Variants in GGA2 observed in about 807,000 individuals in gnomAD.
GGA2 encodes the protein golgi associated, gamma adaptin ear containing, ARF binding protein 2.
A neutral mutation model predicts 79.5 loss-of-function variants in GGA2; 48 were observed. The observed-to-expected ratio is 0.60, with a 90% CI of 0.48 to 0.77. GGA2 has a LOEUF of 0.77. Among genes scored for constraint, GGA2 ranks in the 30% least tolerant of loss-of-function variants. GGA2 has a pLI of 0.00. For synonymous variants in GGA2, 317 were observed against 302.0 expected (o/e 1.05, Z -0.51); for missense variants, 770 against 774.0 (o/e 0.99, Z 0.06).
chr16:23,484,531 T>C (rs1434616327), intron 8 of GGA2, among the ~76,000 whole-genome samples: 1 of 151,940 alleles, frequency 6.6e-6, no homozygotes, highest in Non-Finnish European at 1.5e-5. Context: ...CCAGAATATA[T>C]AAAAAACGCT....
At chr16:23,497,110 CAAA>C (rs10716091) in intron 1 of GGA2, among the ~76,000 whole-genome samples, 2 of 144,866 alleles carry the variant, frequency 1.4e-5, no homozygotes, top group African/African-American at 2.6e-5. Context: ...GCCTCAAAAA[CAAA>C]AAAAAAAAAC....
intron 1 of GGA2, among the ~76,000 whole-genome samples, chr16:23,498,501 G>C (rs1375624062): frequency 2.6e-5 from 4 of 152,166 alleles, no homozygotes; most frequent in African/African-American, 9.7e-5. Flanking sequence ...GCCAAGGTAG[G>C]AGGATCGCCT....
Position 23,519,614 on chromosome 16 carries a change from AC to A in GGA2, c.33del (p.Gln11HisfsTer33). 1 of 427,486 alleles carries A rather than the reference AC, an allele frequency of 2.3e-6. No homozygotes were observed. Among genetic ancestry groups the A allele is most frequent in the Non-Finnish European group, 4.7e-6 (1 of 212,596 alleles). 26.5% of individuals were successfully genotyped at this position (427,486 alleles called of 1,614,324 possible). A position where few individuals can be genotyped will look rare whatever the true frequency, so the allele number is the denominator to read the frequency against. On this transcript the variant is annotated frameshift_variant, in exon 2 of 6. Coordinates refer to the GGA2 transcript ENST00000569300. LOFTEE classifies it high-confidence loss of function. ...TCAGGGCTAGGGCAGCTGTTGGCCA[AC>A]TGCAGAGATAAAGAGAAAGGCAGCC...
Position 23,508,642 on chromosome 16 carries a change from T to C in GGA2, c.91+1679A>G, listed in dbSNP as rs1047173389. 3.9e-5 allele frequency among the ~76,000 whole-genome samples: 6 copies of C among 152,286 alleles called. No homozygotes were observed. The East Asian group carries it at 1.2e-3, about 29-fold the overall frequency. On this transcript the variant is annotated intron_variant, in intron 1 of 16. Transcript: ENST00000309859. ...CTTCTCTTCCCATCTGCCTCTTCAA[T>C]GCTGGGGCTCCCCACGCTCTCTTTC...
chr16:23,491,548 ACT>A, intron 5 of GGA2, 127 bp downstream of exon 5: 2 of 522,618 alleles, frequency 3.8e-6, no homozygotes, highest in South Asian at 3.4e-5. Flanking sequence ...AAAAAAAAAA[ACT>A]CTACCTCAGT....
chr16:23,464,174 TTTA>T lies in GGA2; in HGVS notation c.*3413_*3415del, dbSNP rs1245233702. ...ATATTCACTTTTCTTTTGGTTGTCA[TTTA>T]TTGTTTTCAACACTATCTTCATGAC... is the stretch of plus-strand genomic sequence containing the variant. On this transcript the variant is annotated 3_prime_UTR_variant, in exon 17 of 17. Coordinates refer to ENST00000309859, the MANE Select transcript of GGA2 (RefSeq NM_015044.4). The T allele has an allele frequency of 6.6e-6, 1 of 152,226 alleles. No homozygotes were observed. The highest frequency in any genetic ancestry group is 6.5e-5 in the Admixed American group (1 of 15,270). The allele number at this position is 152,226 out of a possible 1,614,324, so 9.4% of individuals were successfully genotyped here.
At chr16:23,473,595 T>C (rs1277904951) in intron 14 of GGA2, among the ~76,000 whole-genome samples, 1 of 152,154 alleles carries the variant, frequency 6.6e-6, no homozygotes, top group Admixed American at 6.5e-5. Flanking sequence ...CCCAAAGTGC[T>C]GGGATTACAG....
chr16:23,475,878 C>T (rs1034557025), intron 13 of GGA2, among the ~76,000 whole-genome samples: 5 of 151,168 alleles, frequency 3.3e-5, no homozygotes, highest in East Asian at 3.9e-4. Context: ...TGTGGTGAGC[C>T]GAGATCACAC....
At chr16:23,475,327 T>C (rs960642218) in intron 13 of GGA2, among the ~76,000 whole-genome samples, 3 of 151,554 alleles carry the variant, frequency 2.0e-5, no homozygotes, top group African/African-American at 7.3e-5. Flanking sequence ...GTAGCTGGGA[T>C]TACAGGCACC....
chr16:23,503,444 A>T (rs1964941345), intron 1 of GGA2, among the ~76,000 whole-genome samples: 1 of 152,194 alleles, frequency 6.6e-6, no homozygotes, highest in Admixed American at 6.5e-5. Context: ...TGTAAGATAT[A>T]GTTACTTAAA....
intron 6 of GGA2, among the ~76,000 whole-genome samples, chr16:23,487,244 T>C (rs1233205247): frequency 6.6e-6 from 1 of 152,190 alleles, no homozygotes; most frequent in East Asian, 1.9e-4. Flanking sequence ...CCTCCCAAAA[T>C]GCTGGGATTA....
intron 1 of GGA2, among the ~76,000 whole-genome samples, chr16:23,510,008 G>GTGCC (rs1484437834): frequency 1.3e-5 from 2 of 151,112 alleles, no homozygotes; most frequent in African/African-American, 4.9e-5. Context: ...TGTGAGCACA[G>GTGCC]TGCCTGGCGC....
At chr16:23,493,623 G>A (rs1214009809) in intron 3 of GGA2, 165 bp from the exon 4 acceptor site, 1 of 597,178 alleles carries the variant, frequency 1.7e-6, no homozygotes, top group South Asian at 2.0e-5. Context: ...TTCAGATCAA[G>A]AAAAAAATGT....
chr16:23,491,671 T>G lies in GGA2; in HGVS notation c.475+6A>C, dbSNP rs1463743830. 1 of 1,612,630 alleles carries G rather than the reference T, an allele frequency of 6.2e-7. No individual in the cohort carries two copies. The highest frequency in any genetic ancestry group is 1.1e-5 in the South Asian group (1 of 91,038). On this transcript the variant is annotated splice_donor_region_variant and intron_variant, in intron 5 of 16. Coordinates refer to ENST00000309859, the MANE Select transcript of GGA2 (RefSeq NM_015044.4). ...AGGAAATAAGACACAGTAAGGCAAG[T>G]CAGACCTTGTTTCTTCAGCATCTGA...
At chr16:23,522,083 G>A, upstream of GGA2, 1 of 308,858 alleles carries the variant, frequency 3.2e-6, no homozygotes, top group Non-Finnish European at 6.5e-6. Context: ...TGACACCTGG[G>A]AGAGGGTGAG....
At chr16:23,468,799 C>A in intron 16 of GGA2, 87 bp downstream of exon 16, 2 of 758,122 alleles carry the variant, frequency 2.6e-6, no homozygotes, top group Non-Finnish European at 4.8e-6. Context: ...AGCAAGGCCT[C>A]AATGTGCCTC....
At chr16:23,489,388 C>T (rs1327197145) in intron 5 of GGA2, among the ~76,000 whole-genome samples, 1 of 152,184 alleles carries the variant, frequency 6.6e-6, no homozygotes, top group African/African-American at 2.4e-5. Flanking sequence ...GTGGGCACCA[C>T]CACACCCAGG....
chr16:23,523,862 G>C (rs1965180493), upstream of GGA2: 1 of 154,500 alleles, frequency 6.5e-6, no homozygotes, highest in Admixed American at 6.4e-5. Flanking sequence ...ATGGAGGGAA[G>C]ACCGCACAAG....
chr16:23,501,285 G>A (rs947760151), intron 1 of GGA2: 1 of 456,536 alleles, frequency 2.2e-6, no homozygotes, highest in Admixed American at 2.4e-5. Flanking sequence ...CCTACTAATT[G>A]GAAAAAGATT....
Sources: gnomAD v4.1 joint callset for allele counts (sites outside exome capture counted in the v4.1 genomes callset) on GRCh38, gnomAD v4.1.1 for gene constraint, MANE v1.5 for transcripts, NCBI Gene and HGNC (gene_info 2026-07-23, HGNC 2026-07-21) for gene names.